Variants in GPHN observed in about 807,000 individuals in gnomAD.
GPHN encodes the protein gephyrin.
A neutral mutation model predicts 95.5 loss-of-function variants in GPHN; 17 were observed. The ratio of observed to expected loss-of-function variants is 0.18; its 90% confidence interval spans 0.12 to 0.27. GPHN has a LOEUF of 0.27. GPHN is among the 10% of genes least tolerant of loss of function. The probability of loss-of-function intolerance (pLI) is 1.00; values close to 1 mark genes in which losing one functional copy is unlikely to be tolerated. For missense variants in GPHN, 660 were observed against 978.1 expected (o/e 0.67, Z 4.34); for synonymous variants, 320 against 322.5 (o/e 0.99, Z 0.08).
At chr14:67,694,447 T>TACAC in the GPHN span, among the ~76,000 whole-genome samples, 16 of 140,560 alleles carry the variant, frequency 1.1e-4, no homozygotes, top group Admixed American at 4.5e-4. Flanking sequence ...TATATATATA[T>TACAC]ATATACACAC....
At chr14:66,989,128 CGT>C (rs1311020223) in intron 9 of GPHN, among the ~76,000 whole-genome samples, 2 of 151,894 alleles carry the variant, frequency 1.3e-5, no homozygotes, top group Non-Finnish European at 2.9e-5. Context: ...AATTAATACA[CGT>C]GTCTCATATC....
chr14:66,939,760 C>A (rs1596448485), intron 8 of GPHN, among the ~76,000 whole-genome samples: 1 of 152,202 alleles, frequency 6.6e-6, no homozygotes, highest in Admixed American at 6.5e-5. Context: ...GAATACCAAT[C>A]TTAACTGCTT....
At chr14:67,648,079 T>C in the GPHN span, 37 of 1,613,592 alleles carry the variant, frequency 2.3e-5, no homozygotes, top group Admixed American at 4.8e-4. Flanking sequence ...AGTTTTGATA[T>C]TGATGCATTT....
intron 1 of GPHN, among the ~76,000 whole-genome samples, chr14:66,590,757 C>G (rs1464791647): frequency 2.0e-5 from 3 of 152,182 alleles, no homozygotes; most frequent in South Asian, 2.1e-4. Context: ...CCTTCTGAAA[C>G]TGTTCCAAAC....
At chr14:67,685,259 G>A in the GPHN span, 1 of 1,442,892 alleles carries the variant, frequency 6.9e-7, no homozygotes, top group Non-Finnish European at 9.5e-7. Flanking sequence ...TTGCAGAATA[G>A]CCCAAAACAG....
At chr14:66,802,207 C>T (rs2060380677) in intron 3 of GPHN, among the ~76,000 whole-genome samples, 2 of 152,174 alleles carry the variant, frequency 1.3e-5, no homozygotes, top group Non-Finnish European at 2.9e-5. Context: ...TTTCCCTTCA[C>T]ATTCCAAAAG....
chr14:67,635,710 G>A, the GPHN span, among the ~76,000 whole-genome samples: 5 of 152,108 alleles, frequency 3.3e-5, no homozygotes, highest in East Asian at 3.9e-4. Flanking sequence ...AAAATTAGCC[G>A]GGCGTGGTGG....
At chr14:67,590,564 G>A in the GPHN span, among the ~76,000 whole-genome samples, 1 of 152,128 alleles carries the variant, frequency 6.6e-6, no homozygotes, top group South Asian at 2.1e-4. Context: ...TCACCATGTT[G>A]GCCAGGCTGC....
intron 1 of GPHN, among the ~76,000 whole-genome samples, chr14:66,545,669 C>G (rs12890517): frequency 7.9e-6 from 1 of 126,062 alleles, no homozygotes; most frequent in African/African-American, 3.1e-5. Flanking sequence ...CTCCTCACTT[C>G]CCAGTAGGGG....
the GPHN span, among the ~76,000 whole-genome samples, chr14:67,712,027 C>T: frequency 1.3e-5 from 2 of 152,156 alleles, no homozygotes; most frequent in East Asian, 3.9e-4. Context: ...TCAAGTGATT[C>T]TCCTGCCTCA....
chr14:66,739,677 A>T (rs1275036712), intron 2 of GPHN, among the ~76,000 whole-genome samples: 1 of 152,136 alleles, frequency 6.6e-6, no homozygotes, highest in Non-Finnish European at 1.5e-5. Flanking sequence ...CCTAAAATTC[A>T]AAGAAATACC....
intron 3 of GPHN, chr14:66,823,341 AGAGT>A (rs2061273153): frequency 6.6e-6 from 1 of 152,220 alleles, no homozygotes; most frequent in Non-Finnish European, 1.5e-5. Flanking sequence ...GCTATTTATA[AGAGT>A]GAGTATTTAA....
In GPHN at chr14:67,168,950, G is replaced by A. The variant is rs750577325; in HGVS notation, c.1993G>A (p.Val665Met). 6.2e-7 allele frequency: 1 copy of A among 1,611,056 alleles called. No individual in the cohort carries two copies. The highest frequency in any genetic ancestry group is 2.2e-5 in the East Asian group (1 of 44,864). The change falls in exon 21 of 23, where the codon GTG becomes ATG. Residue 665 changes from valine (V) to methionine (M), a missense_variant. Val to Met is a conservative substitution (Grantham distance 21, BLOSUM62 1). This residue lies in a region of GPHN where 257 missense variants were observed against 376.2 expected (regional missense o/e 0.68). Coordinates refer to ENST00000478722, the MANE Select transcript of GPHN (RefSeq NM_020806.5). ...ACTTTCAGGGAATCCTGTATCGGCT[G>A]TGGTCACCTGCAATCTCTTTGTTGT... Reference protein sequence around the residue: ...FALPGNPVSAVVTCNLFVVPA... With the variant: ...FALPGNPVSAMVTCNLFVVPA...
intron 18 of GPHN, among the ~76,000 whole-genome samples, chr14:67,149,019 A>C (rs901779977): frequency 3.3e-5 from 5 of 151,980 alleles, no homozygotes; most frequent in Non-Finnish European, 5.9e-5. Context: ...GAAGTTAAAG[A>C]GATTTTCAAA....
chr14:67,179,376 A>G (rs1258044893), intron 21 of GPHN, among the ~76,000 whole-genome samples: 1 of 152,172 alleles, frequency 6.6e-6, no homozygotes, highest in Non-Finnish European at 1.5e-5. Context: ...ACAGAGTGAG[A>G]CCTTGTGTCA....
At chr14:67,359,106 A>T in the GPHN span, among the ~76,000 whole-genome samples, 1 of 152,224 alleles carries the variant, frequency 6.6e-6, no homozygotes, top group Non-Finnish European at 1.5e-5. Context: ...CTCTCACAGC[A>T]GGTGACATTT....
the GPHN span, among the ~76,000 whole-genome samples, chr14:67,373,842 AGTGTGT>A: frequency 1.4e-3 from 197 of 145,778 alleles, 4 homozygotes; most frequent in East Asian, 3.4e-3. Flanking sequence ...TAATTTGTTC[AGTGTGT>A]GTGTGTGTGT....
At chr14:67,349,233 G>T in the GPHN span, 2 of 900,882 alleles carry the variant, frequency 2.2e-6, no homozygotes, top group Non-Finnish European at 3.3e-6. Flanking sequence ...TTTGATAACT[G>T]TCCTTTTTCC....
At chr14:67,142,578 T>A (rs1447519292) in intron 17 of GPHN, among the ~76,000 whole-genome samples, 1 of 152,214 alleles carries the variant, frequency 6.6e-6, no homozygotes, top group African/African-American at 2.4e-5. Context: ...TATGAGTAGT[T>A]CATACCATCT....
Sources: gnomAD v4.1 joint callset for allele counts (sites outside exome capture counted in the v4.1 genomes callset) on GRCh38, gnomAD v4.1.1 for gene constraint, gnomAD v4.1.1 regional missense constraint, MANE v1.5 for transcripts, NCBI Gene and HGNC (gene_info 2026-07-23, HGNC 2026-07-21) for gene names.